USP34: variants seen among roughly 807,000 people sequenced by gnomAD.
The protein encoded by USP34 is ubiquitin carboxyl-terminal hydrolase 34.
Under a neutral mutation model 460.3 loss-of-function variants are expected in USP34, and 70 were observed. The observed-to-expected ratio is 0.15, with a 90% CI of 0.13 to 0.19. The LOEUF (loss-of-function observed/expected upper bound fraction) is 0.19, where lower values mean the gene tolerates loss of function less well. Ranked by LOEUF, USP34 falls within the 10% of genes least tolerant of loss-of-function variation. The pLI, the probability that USP34 is intolerant of heterozygous loss-of-function variation, is 1.00. For missense variants in USP34, 3,985 were observed against 4,236.2 expected, an observed-to-expected ratio of 0.94 and a Z score of 1.65; for synonymous variants, 1,647 against 1,405.3, an observed-to-expected ratio of 1.17 and a Z score of -3.85.
chr2:61,233,799 T>TGC (rs1351737934), intron 57 of USP34, among the ~76,000 whole-genome samples: 1 of 150,898 alleles, frequency 6.6e-6, no homozygotes, highest in African/African-American at 2.4e-5. Flanking sequence ...TGTGCACCAC[T>TGC]GCATTCAACA....
intron 1 of USP34, among the ~76,000 whole-genome samples, chr2:61,460,918 G>A (rs1326816654): frequency 6.6e-6 from 1 of 151,168 alleles, no homozygotes; most frequent in African/African-American, 2.4e-5. Flanking sequence ...GGGAGGTGGA[G>A]GTCCAGGAAG....
rs774148813 is a variant in USP34, at chr2:61,319,165, G to T, written c.3168+8C>A. The stretch of plus-strand genomic sequence containing the variant: ...AAAATAATAACAAACTGAGAGAAAT[G>T]TAATTACCTTCTCCAGGAAAAGATG... On this transcript the variant is annotated splice_region_variant and intron_variant, in intron 22 of 79. Coordinates refer to ENST00000398571, the MANE Select transcript of USP34 (RefSeq NM_014709.4). The T allele has an allele frequency of 1.5e-5, 23 of 1,548,682 alleles. No individual in the cohort carries two copies. Among genetic ancestry groups the T allele is most frequent in the Middle Eastern group, 1.7e-4 (1 of 5,842 alleles).
intron 62 of USP34, 79 bp from the exon 63 acceptor site, chr2:61,223,375 T>C: frequency 7.2e-7 from 1 of 1,387,466 alleles, no homozygotes; most frequent in South Asian, 1.3e-5. Context: ...GTATCAAAAA[T>C]TGTTGATTCA....
At chr2:61,370,814 T>G (rs73936128) in intron 8 of USP34, among the ~76,000 whole-genome samples, 4,348 of 152,276 alleles carry the variant, frequency 0.029, 212 homozygotes, top group African/African-American at 0.1. Flanking sequence ...AAGGTAACGA[T>G]TAACACCAAG....
At chr2:61,304,056 C>T (rs930287001) in intron 27 of USP34, among the ~76,000 whole-genome samples, 1 of 152,080 alleles carries the variant, frequency 6.6e-6, no homozygotes, top group East Asian at 1.9e-4. Flanking sequence ...CACCACCAGG[C>T]CCAGCTAATT....
chr2:61,296,729 C>G, intron 30 of USP34, 71 bp downstream of exon 30: 1 of 1,508,004 alleles, frequency 6.6e-7, no homozygotes, highest in Non-Finnish European at 8.9e-7. Context: ...AACAGGCAAT[C>G]TTCTACACTG....
intron 57 of USP34, among the ~76,000 whole-genome samples, chr2:61,233,375 G>GA (rs1383248076): frequency 1.3e-5 from 2 of 150,396 alleles, no homozygotes; most frequent in East Asian, 1.9e-4. Flanking sequence ...ATGGCATGGA[G>GA]AAAAAAAAAG....
At chr2:61,429,806 A>G (rs1694614327) in intron 1 of USP34, among the ~76,000 whole-genome samples, 1 of 152,228 alleles carries the variant, frequency 6.6e-6, no homozygotes. Flanking sequence ...TCCTGCCTAT[A>G]ATCCCAGCAC....
At chr2:61,468,772 A>G (rs887116823) in intron 1 of USP34, among the ~76,000 whole-genome samples, 1 of 152,220 alleles carries the variant, frequency 6.6e-6, no homozygotes, top group African/African-American at 2.4e-5. Flanking sequence ...TGCATTTTTC[A>G]GTGCTTCTAA....
chr2:61,412,759 C>T (rs1246486213), intron 2 of USP34, among the ~76,000 whole-genome samples: 1 of 151,690 alleles, frequency 6.6e-6, no homozygotes, highest in Non-Finnish European at 1.5e-5. Flanking sequence ...CATAGTGGCA[C>T]ATGCCTGTGG....
intron 23 of USP34, 108 bp downstream of exon 23, chr2:61,317,546 T>C (rs1377107538): frequency 1.1e-6 from 1 of 943,800 alleles, no homozygotes; most frequent in Non-Finnish European, 1.6e-6. Flanking sequence ...CCAACTGCAC[T>C]GCACAGGTAG....
chr2:61,278,263 C>T lies in USP34; in HGVS notation c.5335G>A (p.Asp1779Asn). 5 of 1,613,694 alleles carry T rather than the reference C, an allele frequency of 3.1e-6. No individual in the cohort carries two copies. The highest frequency in any genetic ancestry group is 3.4e-6 in the Non-Finnish European group (4 of 1,179,826). Residue 1779 changes from aspartate to asparagine, a missense_variant, in exon 41 of 80, where the codon GAT becomes AAT. Transcript: ENST00000398571. ...AGCCCATCATCTTCTACATTACCAT[C>T]CTGATGATCAAGGATCTCCCTACTA... The part of the protein sequence containing the change: ...IRSREILDHQ[D>N]GNVEDDGLTG...
chr2:61,303,073 G>GC (rs1553366821), intron 27 of USP34, among the ~76,000 whole-genome samples: 1 of 147,778 alleles, frequency 6.8e-6, no homozygotes, highest in East Asian at 2.0e-4. Context: ...ATTATTGTAA[G>GC]TTTTTTTTTT....
intron 49 of USP34, 136 bp downstream of exon 49, chr2:61,248,375 G>A (rs902973184): frequency 2.8e-5 from 22 of 792,488 alleles, no homozygotes; most frequent in African/African-American, 3.5e-5. Context: ...CTGAATGCAT[G>A]ACATTGTCTT....
intron 61 of USP34, 114 bp from the exon 62 acceptor site, chr2:61,227,332 A>G (rs761709314): frequency 3.2e-4 from 375 of 1,177,238 alleles, no homozygotes; most frequent in Non-Finnish European, 4.1e-4. Flanking sequence ...GTAACATGAA[A>G]AACAACTGCA....
intron 39 of USP34, among the ~76,000 whole-genome samples, chr2:61,278,659 T>C (rs1689444642): frequency 6.6e-6 from 1 of 152,048 alleles, no homozygotes; most frequent in African/African-American, 2.4e-5. Context: ...AAACAATCAA[T>C]GGAATGTTGA....
At chr2:61,255,962 A>AGT (rs1437977054) in intron 48 of USP34, among the ~76,000 whole-genome samples, 2 of 152,234 alleles carry the variant, frequency 1.3e-5, no homozygotes, top group Admixed American at 6.5e-5. Context: ...AGCAAAAAGC[A>AGT]GTATATATAG....
intron 20 of USP34, among the ~76,000 whole-genome samples, chr2:61,327,124 G>C (rs1691120689): frequency 1.3e-5 from 2 of 152,026 alleles, no homozygotes; most frequent in African/African-American, 2.4e-5. Flanking sequence ...CCACAAGTAA[G>C]AGCAAAATTT....
intron 57 of USP34, among the ~76,000 whole-genome samples, chr2:61,235,197 A>T (rs1270236689): frequency 1.3e-5 from 2 of 152,188 alleles, no homozygotes; most frequent in African/African-American, 4.8e-5. Flanking sequence ...ATCATTTTGT[A>T]TACCTTGAAT....
Sources: allele counts gnomAD v4.1 joint callset (sites outside exome capture counted in the v4.1 genomes callset), GRCh38; gene constraint gnomAD v4.1.1; transcripts MANE v1.5; gene names NCBI Gene and HGNC (gene_info 2026-07-23, HGNC 2026-07-21).